COL21A1: variants seen among roughly 807,000 people sequenced by gnomAD.
COL21A1 encodes collagen alpha-1(XXI) chain.
A neutral mutation model predicts 137.9 loss-of-function variants in COL21A1; 149 were observed. The ratio of observed to expected loss-of-function variants is 1.08; its 90% confidence interval spans 0.95 to 1.24. The LOEUF (loss-of-function observed/expected upper bound fraction) is 1.24, where lower values mean the gene tolerates loss of function less well. COL21A1 is among the 50% of genes most tolerant of loss of function. The pLI is 0.00. For synonymous variants in COL21A1, 456 were observed against 391.5 expected, an observed-to-expected ratio of 1.16 and a Z score of -1.95; for missense variants, 1,167 against 1,158.4, an observed-to-expected ratio of 1.01 and a Z score of -0.11.
intron 1 of COL21A1, among the ~76,000 whole-genome samples, chr6:56,345,853 T>C (rs890094089): frequency 6.6e-6 from 1 of 152,190 alleles, no homozygotes; most frequent in African/African-American, 2.4e-5. Context: ...ATTTTCCTCA[T>C]TGCTCATGTC....
In COL21A1 at chr6:56,315,286, T is replaced by C. The variant is rs967391277; in HGVS notation, c.-39+78685A>G. Among the ~76,000 whole-genome samples, 5 of 152,302 alleles carry C rather than the reference T, an allele frequency of 3.3e-5. No homozygotes were observed. In the Middle Eastern group the frequency reaches 0.01, roughly 311 times the overall value. On this transcript the variant is annotated intron_variant, in intron 1 of 28. Coordinates refer to the COL21A1 transcript ENST00000370819. The stretch of plus-strand genomic sequence containing the variant: ...TCGGGCCTACATGCCTGCCTTTTGA[T>C]TGATCCCACGGGGCAGATGAACACA...
intron 9 of COL21A1, among the ~76,000 whole-genome samples, chr6:56,159,749 T>C (rs1028723695): frequency 6.6e-6 from 1 of 151,326 alleles, no homozygotes; most frequent in African/African-American, 2.4e-5. Context: ...ATTTGTAGAA[T>C]ATCAATTATC....
At chr6:56,067,428 G>A (rs748026882) in intron 22 of COL21A1, 98 bp from the exon 23 acceptor site, 22 of 1,080,082 alleles carry the variant, frequency 2.0e-5, no homozygotes, top group Non-Finnish European at 2.3e-5. Context: ...ACAACATCTC[G>A]TGCAAACTCC....
intron 16 of COL21A1, among the ~76,000 whole-genome samples, chr6:56,112,680 C>CTTTTTTTTTTTTTTTTTTTTTT (rs777172358): frequency 7.7e-6 from 1 of 129,678 alleles, no homozygotes. Context: ...TTTTTCTTTT[C>CTTTTTTTTTTTTTTTTTTTTTT]TTTTTTCTTT....
intron 16 of COL21A1, among the ~76,000 whole-genome samples, chr6:56,108,919 A>G (rs1771176804): frequency 6.6e-6 from 1 of 151,886 alleles, no homozygotes; most frequent in Non-Finnish European, 1.5e-5. Context: ...AGAAATTAGC[A>G]ACAAAATCTA....
intron 1 of COL21A1, among the ~76,000 whole-genome samples, chr6:56,348,036 A>G (rs79406233): frequency 0.019 from 2,951 of 152,304 alleles, 99 homozygotes; most frequent in African/African-American, 0.065. Flanking sequence ...AGGCAGGACC[A>G]GCATATACAG....
chr6:56,139,559 C>A (rs1451624122), intron 12 of COL21A1, among the ~76,000 whole-genome samples: 1 of 152,156 alleles, frequency 6.6e-6, no homozygotes, highest in African/African-American at 2.4e-5. Flanking sequence ...CATGGGTAGA[C>A]TCTCTCCCTG....
intron 17 of COL21A1, among the ~76,000 whole-genome samples, chr6:56,101,252 T>G (rs1468342396): frequency 6.6e-6 from 1 of 152,188 alleles, no homozygotes; most frequent in Non-Finnish European, 1.5e-5. Context: ...TGCTTGTGGT[T>G]TGTGACTCAC....
rs910201716 is a variant in COL21A1, at chr6:56,180,609, C to T, written c.89-480G>A. 2.6e-5 allele frequency among the ~76,000 whole-genome samples: 4 copies of T among 152,090 alleles called. 1 individual carries two copies. The highest frequency in any genetic ancestry group is 1.3e-4 in the Admixed American group (2 of 15,256). On this transcript the variant is annotated intron_variant, in intron 2 of 29. Coordinates refer to ENST00000244728, the MANE Select transcript of COL21A1 (RefSeq NM_030820.4). Reference sequence around the variant, plus strand: ...AGGAAACACATCTGGTCAACACATCCTAAGGTCCTTTTGGGGAAAAAAAAA... The same window carrying T: ...AGGAAACACATCTGGTCAACACATCTTAAGGTCCTTTTGGGGAAAAAAAAA...
intron 1 of COL21A1, among the ~76,000 whole-genome samples, chr6:56,186,153 T>G (rs2152286191): frequency 6.6e-6 from 1 of 152,328 alleles, no homozygotes; most frequent in Non-Finnish European, 1.5e-5. Flanking sequence ...TAAAATATCA[T>G]GACCATGTGG....
intron 1 of COL21A1, among the ~76,000 whole-genome samples, chr6:56,336,196 T>C (rs1765327848): frequency 2.0e-5 from 3 of 152,166 alleles, no homozygotes; most frequent in Admixed American, 1.3e-4. Flanking sequence ...ACTGACCAAA[T>C]CAAGACCTCT....
chr6:56,179,506 A>C (rs1777735102), intron 3 of COL21A1, 72 bp downstream of exon 3: 1 of 1,122,740 alleles, frequency 8.9e-7, no homozygotes, highest in African/African-American at 1.6e-5. Flanking sequence ...GTTAATGAAG[A>C]AATTATATCA....
At chr6:56,197,945 A>G (rs1779135444) in intron 1 of COL21A1, among the ~76,000 whole-genome samples, 1 of 152,098 alleles carries the variant, frequency 6.6e-6, no homozygotes, top group African/African-American at 2.4e-5. Context: ...GAGATATGGA[A>G]ACAACCTAAG....
chr6:56,257,865 C>T (rs1041982066), intron 1 of COL21A1, among the ~76,000 whole-genome samples: 2 of 151,678 alleles, frequency 1.3e-5, no homozygotes, highest in South Asian at 2.1e-4. Context: ...ATTTGTCAAC[C>T]CTTGCATTAA....
intron 1 of COL21A1, among the ~76,000 whole-genome samples, chr6:56,355,892 C>T (rs1164899375): frequency 6.6e-6 from 1 of 152,124 alleles, no homozygotes; most frequent in Non-Finnish European, 1.5e-5. Context: ...AGAAAAAGAA[C>T]TCATTACTCT....
At chr6:56,325,171 G>T (rs371453051) in intron 1 of COL21A1, among the ~76,000 whole-genome samples, 21 of 142,364 alleles carry the variant, frequency 1.5e-4, no homozygotes, top group Non-Finnish European at 2.7e-4. Flanking sequence ...AAATAAATTT[G>T]CATGCTTTTC....
chr6:56,270,907 A>T (rs1763509574), intron 1 of COL21A1, among the ~76,000 whole-genome samples: 1 of 152,210 alleles, frequency 6.6e-6, no homozygotes, highest in African/African-American at 2.4e-5. Flanking sequence ...CTGTGAGTCA[A>T]TTAAACCTCT....
chr6:56,155,015 CA>C (rs2152255303), intron 10 of COL21A1, among the ~76,000 whole-genome samples: 1 of 152,216 alleles, frequency 6.6e-6, no homozygotes, highest in African/African-American at 2.4e-5. Context: ...TTTCATCACC[CA>C]GGTATTAAGC....
chr6:56,105,646 T>C (rs1770821044), intron 16 of COL21A1, among the ~76,000 whole-genome samples: 1 of 152,182 alleles, frequency 6.6e-6, no homozygotes, highest in African/African-American at 2.4e-5. Flanking sequence ...TTGGTTGTTG[T>C]TATGGCCATG....
Sources: gnomAD v4.1 joint callset for allele counts (sites outside exome capture counted in the v4.1 genomes callset) on GRCh38, gnomAD v4.1.1 for gene constraint, MANE v1.5 for transcripts, NCBI Gene and HGNC (gene_info 2026-07-23, HGNC 2026-07-21) for gene names.